PPEF2: variants seen among roughly 807,000 people sequenced by gnomAD.
PPEF2 encodes the protein serine/threonine-protein phosphatase with EF-hands 2.
A neutral mutation model predicts 84.7 loss-of-function variants in PPEF2; 84 were observed. The observed-to-expected ratio is 0.99, with a 90% confidence interval of 0.83 to 1.19. The LOEUF (loss-of-function observed/expected upper bound fraction) is 1.19. Among genes scored for constraint, PPEF2 ranks in the 50% most tolerant of loss-of-function variants. The probability of loss-of-function intolerance (pLI) is 0.00; values close to 1 mark genes in which losing one functional copy is unlikely to be tolerated. For missense variants in PPEF2, 924 were observed against 937.5 expected, an observed-to-expected ratio of 0.99 and a Z score of 0.19; for synonymous variants, 346 against 345.2, an observed-to-expected ratio of 1.00 and a Z score of -0.03.
At chr4:75,879,967 T>C (rs1724523848) in intron 10 of PPEF2, among the ~76,000 whole-genome samples, 1 of 151,596 alleles carries the variant, frequency 6.6e-6, no homozygotes, top group African/African-American at 2.4e-5. Flanking sequence ...TAGCTGGGAG[T>C]ATAGGCGCGC....
At chr4:75,882,855 T>A in intron 10 of PPEF2, 71 bp downstream of exon 10, 1 of 1,510,720 alleles carries the variant, frequency 6.6e-7, no homozygotes, top group East Asian at 2.3e-5. Context: ...AGTCAGCATG[T>A]AAGATGACAT....
chr4:75,883,274 G>C, intron 8 of PPEF2, 72 bp from the exon 9 acceptor site: 1 of 1,386,150 alleles, frequency 7.2e-7, no homozygotes, highest in Non-Finnish European at 1.0e-6. Context: ...CACATTTTTA[G>C]AAGAATGCAT....
chr4:75,897,682 G>C (rs1725038845), intron 1 of PPEF2, among the ~76,000 whole-genome samples: 4 of 152,174 alleles, frequency 2.6e-5, no homozygotes, highest in African/African-American at 2.4e-5. Context: ...GGCTGAGGCA[G>C]GAGAATGGCT....
intron 13 of PPEF2, among the ~76,000 whole-genome samples, chr4:75,868,352 A>G (rs1436324806): frequency 6.8e-6 from 1 of 146,268 alleles, no homozygotes; most frequent in South Asian, 2.2e-4. Flanking sequence ...AAGAGATAAA[A>G]GGTAAGCATA....
At chr4:75,886,417 G>T (rs1724726766) in intron 7 of PPEF2, among the ~76,000 whole-genome samples, 1 of 152,192 alleles carries the variant, frequency 6.6e-6, no homozygotes, top group African/African-American at 2.4e-5. Flanking sequence ...TCATGCAACG[G>T]CACGTTCGTG....
At chr4:75,879,992 C>T (rs555418915) in intron 10 of PPEF2, among the ~76,000 whole-genome samples, 1 of 152,024 alleles carries the variant, frequency 6.6e-6, no homozygotes, top group South Asian at 2.1e-4. Context: ...CCACATCCAG[C>T]TAATTTTTGT....
At position 75,896,371 on chromosome 4, in the gene PPEF2, A is replaced by G. The variant is rs1725010939; in HGVS notation, c.-46T>C. 1.9e-6 allele frequency: 3 copies of G among 1,598,202 alleles called. No individual in the cohort carries two copies. The highest frequency in any genetic ancestry group is 2.2e-5 in the East Asian group (1 of 44,818). On this transcript the variant is annotated 5_prime_UTR_variant, in exon 2 of 17. Transcript: ENST00000286719. ...GCAGGACGCAGCAGATCCAGAGGAC[A>G]GTGAGCTGTTTGCTGACAAAATGAA... is the stretch of plus-strand genomic sequence containing the variant.
chr4:75,872,025 C>G lies in PPEF2; in HGVS notation c.1649G>C (p.Arg550Thr). Residue 550 changes from arginine (R) to threonine (T), a missense_variant and splice_region_variant, in exon 13 of 17, where the codon AGG becomes ACG. Arg to Thr is a moderately conservative substitution (Grantham distance 71). Coordinates refer to ENST00000286719, the MANE Select transcript of PPEF2 (RefSeq NM_006239.3). The stretch of plus-strand genomic sequence containing the variant: ...AAAATCACTCATTGAAAAGTCTTGC[C>G]TTTGCCTCATGGTGAGTGTGTGGGT... ...KVTHTLTMRQ[R>T]ISRVEESALR... is the part of the protein sequence containing the mutation. 6.3e-7 allele frequency: 1 copy of G among 1,584,174 alleles called. No individual in the cohort carries two copies. The highest frequency in any genetic ancestry group is 8.5e-7 in the Non-Finnish European group (1 of 1,170,096).
chr4:75,886,614 G>A lies in PPEF2; in HGVS notation c.579+238C>T, dbSNP rs55809434. Among the ~76,000 whole-genome samples the A allele has an allele frequency of 9.3e-3, 1,421 of 152,260 alleles. 11 individuals are homozygous for A. The highest frequency in any genetic ancestry group is 0.013 in the African/African-American group (551 of 41,552). On this transcript the variant is annotated intron_variant, in intron 7 of 16. Coordinates refer to ENST00000286719, the MANE Select transcript of PPEF2 (RefSeq NM_006239.3). ...ATGCACTAGTGGTCCCAGCTACTCGGGAGGCTGAGGTGGGAGGATTGCTTG... is the reference window on the plus strand; with the variant it reads ...ATGCACTAGTGGTCCCAGCTACTCGAGAGGCTGAGGTGGGAGGATTGCTTG...
At chr4:75,877,635 TCAGTGG>T (rs1388203564) in intron 10 of PPEF2, among the ~76,000 whole-genome samples, 2 of 151,888 alleles carry the variant, frequency 1.3e-5, no homozygotes, top group Non-Finnish European at 2.9e-5. Flanking sequence ...AAGCACATGA[TCAGTGG>T]GCTTGTATCT....
rs1724078879 is a variant in PPEF2, at chr4:75,864,426, A to G, written c.2008+14T>C. 6.4e-7 allele frequency: 1 copy of G among 1,567,038 alleles called. No individual in the cohort carries two copies. The highest frequency in any genetic ancestry group is 1.4e-5 in the African/African-American group (1 of 73,900). On this transcript the variant is annotated intron_variant, in intron 16 of 16. Transcript: ENST00000286719. The stretch of plus-strand genomic sequence containing the variant: ...GCAGTGCTTCAAAAGTGATAGAATA[A>G]TGAGTGCCTTTACCTGAATGATCAC...
chr4:75,881,913 G>C (rs768317512), intron 10 of PPEF2: 5 of 152,180 alleles, frequency 3.3e-5, no homozygotes, highest in Non-Finnish European at 7.3e-5. Context: ...GCCCAAAGCT[G>C]AAGTAGACTG....
Position 75,893,487 on chromosome 4 carries a change from G to GACACACAC in PPEF2, c.56-1517_56-1510dup, listed in dbSNP as rs10624574. 8.5e-3 allele frequency among the ~76,000 whole-genome samples: 1,263 copies of GACACACAC among 148,918 alleles called. 9 individuals are homozygous for GACACACAC. Among genetic ancestry groups the GACACACAC allele is most frequent in the Non-Finnish European group, 0.011 (769 of 67,474 alleles). ...CACTTTAGCCTGGGCTAGAGACTCT[G>GACACACAC]ACACACACACACACACACACACTCA... On this transcript the variant is annotated intron_variant, in intron 2 of 16. Coordinates refer to ENST00000286719, the MANE Select transcript of PPEF2 (RefSeq NM_006239.3).
intron 10 of PPEF2, among the ~76,000 whole-genome samples, chr4:75,880,779 T>C (rs1348011598): frequency 2.0e-5 from 3 of 150,506 alleles, no homozygotes; most frequent in South Asian, 4.2e-4. Context: ...CTGGGCAACA[T>C]AGTGAGACCC....
intron 1 of PPEF2, among the ~76,000 whole-genome samples, chr4:75,897,885 C>G (rs1725043491): frequency 6.6e-6 from 1 of 152,146 alleles, no homozygotes; most frequent in Non-Finnish European, 1.5e-5. Context: ...GACACACACA[C>G]AGAAATATAG....
At chr4:75,890,428 T>C (rs568525475) in intron 4 of PPEF2, among the ~76,000 whole-genome samples, 1 of 149,196 alleles carries the variant, frequency 6.7e-6, no homozygotes, top group South Asian at 2.1e-4. Context: ...TGCAGAGGTT[T>C]CAATGAGCAG....
Position 75,876,420 on chromosome 4 carries a change from A to T in PPEF2, c.1187T>A (p.Leu396Gln). ...LSRQVRSSVE[L>Q]ELERCRQQAG... Reference sequence around the variant, plus strand: ...TTGCTGCCGGCACCGCTCTAGCTCCAGTTCCACGGAGCTCCGCACCTGCCG... The same window carrying T: ...TTGCTGCCGGCACCGCTCTAGCTCCTGTTCCACGGAGCTCCGCACCTGCCG... Residue 396 changes from leucine (L) to glutamine (Q), a missense_variant, in exon 11 of 17, where the codon CTG becomes CAG. Coordinates refer to ENST00000286719, the MANE Select transcript of PPEF2 (RefSeq NM_006239.3). 2 of 1,614,146 alleles carry T rather than the reference A, an allele frequency of 1.2e-6. No individual in the cohort carries two copies. Among genetic ancestry groups the T allele is most frequent in the South Asian group, 1.1e-5 (1 of 91,076 alleles).
intron 10 of PPEF2, among the ~76,000 whole-genome samples, chr4:75,881,029 T>C (rs1578008714): frequency 2.6e-5 from 4 of 151,894 alleles, no homozygotes; most frequent in African/African-American, 7.2e-5. Context: ...CTTGATCTCC[T>C]GACCTCGTGA....
chr4:75,892,817 T>C (rs1382347485), intron 2 of PPEF2, among the ~76,000 whole-genome samples: 2 of 152,218 alleles, frequency 1.3e-5, no homozygotes, highest in African/African-American at 4.8e-5. Context: ...AGGGAACAGC[T>C]GTCCACATAA....
Sources: allele counts gnomAD v4.1 joint callset (sites outside exome capture counted in the v4.1 genomes callset), GRCh38; gene constraint gnomAD v4.1.1; transcripts MANE v1.5; gene names NCBI Gene and HGNC (gene_info 2026-07-23, HGNC 2026-07-21).